BLM: variants seen among roughly 807,000 people sequenced by gnomAD.
BLM encodes the protein BLM RecQ like helicase, also known as recQ-like DNA helicase BLM.
In BLM, 95 loss-of-function variants were observed where a neutral mutation model predicts 135.3. The ratio of observed to expected loss-of-function variants is 0.70; its 90% CI spans 0.59 to 0.83. The LOEUF is 0.83. Among genes scored for constraint, BLM ranks in the 40% least tolerant of loss-of-function variants. BLM has a pLI of 0.00. For missense variants in BLM, 1,518 were observed against 1,663.9 expected (o/e 0.91, Z 1.53); for synonymous variants, 520 against 589.2 (o/e 0.88, Z 1.70).
intron 12 of BLM, among the ~76,000 whole-genome samples, chr15:90,779,740 C>T (rs756845850): frequency 6.6e-6 from 1 of 152,078 alleles, no homozygotes; most frequent in Non-Finnish European, 1.5e-5. Flanking sequence ...ATCTTCATTC[C>T]CACCACCTTA....
intron 1 of BLM, among the ~76,000 whole-genome samples, chr15:90,730,044 CAG>C (rs1488501139): frequency 6.6e-6 from 1 of 151,930 alleles, no homozygotes; most frequent in Admixed American, 6.6e-5. Context: ...TTAGTAGAGA[CAG>C]GGTTTCACTA....
intron 1 of BLM, among the ~76,000 whole-genome samples, chr15:90,736,239 A>G (rs1895212081): frequency 6.6e-6 from 1 of 152,112 alleles, no homozygotes; most frequent in Non-Finnish European, 1.5e-5. Context: ...TTGTAGAAAT[A>G]TTCCCTAAAG....
intron 1 of BLM, among the ~76,000 whole-genome samples, chr15:90,735,811 G>C (rs1413003053): frequency 1.3e-5 from 2 of 151,752 alleles, no homozygotes; most frequent in Non-Finnish European, 2.9e-5. Flanking sequence ...GCAAATTCTT[G>C]ATTACAAAAA....
intron 17 of BLM, among the ~76,000 whole-genome samples, chr15:90,800,678 C>T (rs1269720599): frequency 1.4e-5 from 2 of 143,708 alleles, no homozygotes; most frequent in African/African-American, 5.1e-5. Context: ...GAAACTCCAT[C>T]TCAAAAAAAA....
intron 21 of BLM, among the ~76,000 whole-genome samples, chr15:90,814,173 C>T (rs1249037816): frequency 6.6e-6 from 1 of 152,196 alleles, no homozygotes; most frequent in Non-Finnish European, 1.5e-5. Context: ...TGTCATTACC[C>T]ACAGGCTGTG....
chr15:90,742,272 C>T (rs1439359925), intron 1 of BLM, among the ~76,000 whole-genome samples: 1 of 151,248 alleles, frequency 6.6e-6, no homozygotes, highest in Non-Finnish European at 1.5e-5. Context: ...AAAGTAACTC[C>T]TCCCCTTTGA....
Position 90,754,906 on chromosome 15 carries a change from A to C in BLM, c.1055A>C (p.Glu352Ala). The C allele has an allele frequency of 6.2e-7, 1 of 1,613,980 alleles. No individual in the cohort carries two copies. Among genetic ancestry groups the C allele is most frequent in the South Asian group, 1.1e-5 (1 of 91,068 alleles). The change falls in exon 5 of 22, where the codon GAG becomes GCG. Residue 352 changes from glutamate to alanine, a missense_variant. Coordinates refer to ENST00000355112, the MANE Select transcript of BLM (RefSeq NM_000057.4). ...AAACCTGAGAAAATGAGTATGCAGG[A>C]GCTGAATCCAGAAACCAGCACAGAC... Reference protein sequence around the residue: ...LSKPEKMSMQELNPETSTDCD... With the variant: ...LSKPEKMSMQALNPETSTDCD...
At chr15:90,776,819 C>T (rs755307892) in intron 12 of BLM, among the ~76,000 whole-genome samples, 6 of 152,082 alleles carry the variant, frequency 3.9e-5, no homozygotes, top group Admixed American at 2.6e-4. Flanking sequence ...GGATTACAGG[C>T]GTGAGCCACC....
intron 13 of BLM, among the ~76,000 whole-genome samples, chr15:90,784,598 A>T (rs1181364347): frequency 6.6e-6 from 1 of 151,366 alleles, no homozygotes; most frequent in East Asian, 1.9e-4. Context: ...GGCCTCCCAA[A>T]GTGCTGGGAT....
intron 10 of BLM, among the ~76,000 whole-genome samples, chr15:90,768,020 C>G (rs1172151601): frequency 2.6e-4 from 39 of 150,680 alleles, no homozygotes; most frequent in Non-Finnish European, 1.5e-4. Context: ...ACTGCAATCT[C>G]GGCTCACTGC....
intron 1 of BLM, among the ~76,000 whole-genome samples, chr15:90,729,166 C>T (rs940281601): frequency 6.6e-6 from 1 of 151,896 alleles, no homozygotes; most frequent in Non-Finnish European, 1.5e-5. Flanking sequence ...AAAAATTAGC[C>T]AGGCATGGTG....
At chr15:90,788,970 C>CA (rs34736315) in intron 14 of BLM, among the ~76,000 whole-genome samples, 31,825 of 110,292 alleles carry the variant, frequency 0.29, 3,978 homozygotes, top group African/African-American at 0.36. Context: ...GAGACTGTCT[C>CA]AAAAAAAAAA....
intron 2 of BLM, 130 bp from the exon 3 acceptor site, chr15:90,749,237 G>C: frequency 1.5e-6 from 1 of 668,544 alleles, no homozygotes. Context: ...AATCGAGAGA[G>C]ATGGATTCTT....
At chr15:90,759,934 A>C in intron 5 of BLM, 2 of 387,912 alleles carry the variant, frequency 5.2e-6, no homozygotes, top group Non-Finnish European at 9.5e-6. Context: ...AAAAAAAAGA[A>C]AAAGAAATCA....
chr15:90,769,873 G>C (rs981597237), intron 12 of BLM, among the ~76,000 whole-genome samples: 1 of 152,048 alleles, frequency 6.6e-6, no homozygotes, highest in African/African-American at 2.4e-5. Context: ...ACCTACTTTA[G>C]AAGTAGGGAT....
intron 3 of BLM, 33 bp from the exon 4 acceptor site, chr15:90,751,754 A>T (rs1228388063): frequency 6.3e-7 from 1 of 1,589,570 alleles, no homozygotes; most frequent in Non-Finnish European, 8.6e-7. Context: ...TTAGTGGTTA[A>T]CAAATCTATG....
chr15:90,812,392 C>A (rs908332904), intron 21 of BLM, among the ~76,000 whole-genome samples: 1 of 152,084 alleles, frequency 6.6e-6, no homozygotes, highest in Non-Finnish European at 1.5e-5. Flanking sequence ...CTGTTCTGGG[C>A]GCTTTCTGCA....
At chr15:90,736,231 G>C (rs1004976238) in intron 1 of BLM, among the ~76,000 whole-genome samples, 1 of 152,072 alleles carries the variant, frequency 6.6e-6, no homozygotes, top group African/African-American at 2.4e-5. Flanking sequence ...CATTCCACTT[G>C]TAGAAATATT....
At chr15:90,731,235 G>T (rs778974451) in intron 1 of BLM, among the ~76,000 whole-genome samples, 6 of 152,120 alleles carry the variant, frequency 3.9e-5, no homozygotes, top group Non-Finnish European at 5.9e-5. Flanking sequence ...CATCATGCCC[G>T]TGGCTCTTGG....
Sources: allele counts gnomAD v4.1 joint callset (sites outside exome capture counted in the v4.1 genomes callset), GRCh38; gene constraint gnomAD v4.1.1; transcripts MANE v1.5; gene names NCBI Gene and HGNC (gene_info 2026-07-23, HGNC 2026-07-21).